Variants in PI4KA observed in about 807,000 individuals in gnomAD.
The protein encoded by PI4KA is PI4-kinase alpha.
A neutral mutation model predicts 271.4 loss-of-function variants in PI4KA; 122 were observed. That is an observed-to-expected ratio of 0.45 (90% CI 0.39 to 0.52). The LOEUF is 0.52. PI4KA is among the 20% of genes least tolerant of loss of function. The pLI is 0.00. For missense variants in PI4KA, 1,969 were observed against 2,769.1 expected (o/e 0.71, Z 6.48); for synonymous variants, 1,041 against 1,078.8 (o/e 0.96, Z 0.69).
At chr22:20,796,835 T>C (rs933052126) in intron 17 of PI4KA, among the ~76,000 whole-genome samples, 3 of 152,276 alleles carry the variant, frequency 2.0e-5, no homozygotes, top group African/African-American at 7.2e-5. Flanking sequence ...TCCAGGGTCC[T>C]GCCTCAGGAT....
chr22:20,826,363 A>C (rs1056556796), intron 3 of PI4KA, among the ~76,000 whole-genome samples: 2 of 152,116 alleles, frequency 1.3e-5, no homozygotes, highest in Non-Finnish European at 2.9e-5. Context: ...AATAAAATAA[A>C]AAATAAAAGG....
At chr22:20,771,192 A>G (rs1345849582) in intron 19 of PI4KA, among the ~76,000 whole-genome samples, 1 of 152,122 alleles carries the variant, frequency 6.6e-6, no homozygotes, top group Non-Finnish European at 1.5e-5. Context: ...TGGGAGGCCG[A>G]TGCGGGCGGA....
At chr22:20,758,459 C>CTTTTTTTTTTTTT (rs35401829) in intron 23 of PI4KA, among the ~76,000 whole-genome samples, 11 of 85,020 alleles carry the variant, frequency 1.3e-4, no homozygotes, top group East Asian at 7.7e-4. Context: ...TCTTTCTTTT[C>CTTTTTTTTTTTTT]TTTTTTTTTT....
Position 20,800,619 on chromosome 22 carries a change from T to C in PI4KA, c.1725-853A>G, listed in dbSNP as rs538090157. On this transcript the variant is annotated intron_variant, in intron 14 of 54. Transcript: ENST00000255882. ...GGCTCACACCTGTAATCCCAGCACT[T>C]TGGGAGGCACAGGTGGGCGGATCAC... 2.6e-5 allele frequency among the ~76,000 whole-genome samples: 4 copies of C among 151,270 alleles called. No individual in the cohort carries two copies. In the East Asian group the frequency reaches 6.0e-4, roughly 23 times the overall value.
chr22:20,748,849 G>C (rs1012454916), intron 28 of PI4KA, among the ~76,000 whole-genome samples: 1 of 152,122 alleles, frequency 6.6e-6, no homozygotes, highest in Non-Finnish European at 1.5e-5. Flanking sequence ...GGGCAGATTC[G>C]GGGAAGGCTG....
At chr22:20,718,120 G>A (rs1926248161) in intron 44 of PI4KA, among the ~76,000 whole-genome samples, 1 of 152,176 alleles carries the variant, frequency 6.6e-6, no homozygotes, top group Admixed American at 6.5e-5. Flanking sequence ...TGCCAGCACT[G>A]CTATTCTCAG....
chr22:20,832,048 G>T (rs1569083248), intron 3 of PI4KA, among the ~76,000 whole-genome samples: 3 of 151,486 alleles, frequency 2.0e-5, no homozygotes, highest in African/African-American at 7.3e-5. Flanking sequence ...AGTTATTTTG[G>T]AGAGCTGGTC....
At chr22:20,728,482 C>G (rs1927633277) in intron 39 of PI4KA, among the ~76,000 whole-genome samples, 1 of 152,202 alleles carries the variant, frequency 6.6e-6, no homozygotes, top group African/African-American at 2.4e-5. Flanking sequence ...TACTCCTTTT[C>G]CTACCATATC....
At chr22:20,820,158 C>T (rs371339285) in intron 5 of PI4KA, among the ~76,000 whole-genome samples, 1 of 152,152 alleles carries the variant, frequency 6.6e-6, no homozygotes, top group East Asian at 1.9e-4. Context: ...TCATGGCACA[C>T]CCAAATCAAT....
intron 29 of PI4KA, chr22:20,747,375 A>G: frequency 2.3e-6 from 1 of 443,734 alleles, no homozygotes; most frequent in South Asian, 4.9e-5. Context: ...AAAAAAAAAA[A>G]GCACAATAAG....
rs1053908661 is a variant in PI4KA, at chr22:20,771,709, G to A, written c.2329-6016C>T. Among the ~76,000 whole-genome samples the A allele has an allele frequency of 1.6e-4, 24 of 151,894 alleles. 2 individuals are homozygous for A. The highest frequency in any genetic ancestry group is 1.9e-4 in the East Asian group (1 of 5,130). On this transcript the variant is annotated intron_variant, in intron 19 of 54. Transcript: ENST00000255882. ...CGATTGTCCTGCCTCAGCCTCCCGAGTAGCTGGGACTACAGATGTGTGCCA... is the reference window on the plus strand; with the variant it reads ...CGATTGTCCTGCCTCAGCCTCCCGAATAGCTGGGACTACAGATGTGTGCCA...
chr22:20,786,923 A>C, intron 19 of PI4KA: 1 of 1,614,162 alleles, frequency 6.2e-7, no homozygotes, highest in East Asian at 2.2e-5. Flanking sequence ...CACCCAAGCC[A>C]CCACTGTGAC....
At chr22:20,770,633 A>ACACAC (rs1932834847) in intron 19 of PI4KA, among the ~76,000 whole-genome samples, 2 of 123,016 alleles carry the variant, frequency 1.6e-5, no homozygotes, top group African/African-American at 3.0e-5. Context: ...CACACACACA[A>ACACAC]GCTGGACACA....
In PI4KA at chr22:20,850,882, T is replaced by G. The variant is rs184140707; in HGVS notation, c.156+7688A>C. On this transcript the variant is annotated intron_variant, in intron 1 of 54. Coordinates refer to ENST00000255882, the MANE Select transcript of PI4KA (RefSeq NM_058004.4). Reference sequence around the variant, plus strand: ...TAGTAAGACCCCATCTCTAAAAAAATTTTTCTTTTTTTACTTAGCCAGGTA... The same window carrying G: ...TAGTAAGACCCCATCTCTAAAAAAAGTTTTCTTTTTTTACTTAGCCAGGTA... Among the ~76,000 whole-genome samples, 77 of 152,054 alleles carry G rather than the reference T, an allele frequency of 5.1e-4. No individual in the cohort carries two copies. The East Asian group carries it at 8.6e-3, about 17-fold the overall frequency.
At chr22:20,822,092 A>G (rs1311865876) in intron 4 of PI4KA, among the ~76,000 whole-genome samples, 1 of 152,056 alleles carries the variant, frequency 6.6e-6, no homozygotes, top group African/African-American at 2.4e-5. Context: ...GTGAGCCAAG[A>G]ACAGTGCAGG....
intron 25 of PI4KA, 101 bp from the exon 26 acceptor site, chr22:20,751,856 A>C: frequency 1.0e-6 from 1 of 980,784 alleles, no homozygotes; most frequent in Non-Finnish European, 1.6e-6. Context: ...TATCTGCTTC[A>C]GGCCAGCTGA....
At chr22:20,720,081 C>CAA (rs1926548028) in intron 43 of PI4KA, among the ~76,000 whole-genome samples, 1 of 119,660 alleles carries the variant, frequency 8.4e-6, no homozygotes, top group Non-Finnish European at 1.8e-5. Context: ...CAGATGTGAA[C>CAA]AAATATGATT....
At chr22:20,785,906 G>A in intron 19 of PI4KA, 1 of 1,517,534 alleles carries the variant, frequency 6.6e-7, no homozygotes, top group Non-Finnish European at 9.1e-7. Context: ...TATCAATTCT[G>A]TGATAAATAT....
At chr22:20,838,103 A>T (rs1372341553) in intron 2 of PI4KA, among the ~76,000 whole-genome samples, 1 of 151,846 alleles carries the variant, frequency 6.6e-6, no homozygotes, top group Non-Finnish European at 1.5e-5. Context: ...CCTGGGTGAC[A>T]AAGCAAGACT....
Sources: gnomAD v4.1 joint callset for allele counts (sites outside exome capture counted in the v4.1 genomes callset) on GRCh38, gnomAD v4.1.1 for gene constraint, MANE v1.5 for transcripts, NCBI Gene and HGNC (gene_info 2026-07-23, HGNC 2026-07-21) for gene names.